COX7B2: variants seen among roughly 807,000 people sequenced by gnomAD.
COX7B2 encodes the protein cytochrome c oxidase subunit 7B2.
For synonymous variants in COX7B2, 37 were observed against 32.1 expected, an observed-to-expected ratio of 1.15 and a Z score of -0.51; for missense variants, 109 against 95.9, an observed-to-expected ratio of 1.14 and a Z score of -0.57.
At chr4:46,780,492 G>C (rs970961319) in intron 2 of COX7B2, among the ~76,000 whole-genome samples, 4 of 152,166 alleles carry the variant, frequency 2.6e-5, no homozygotes, top group Admixed American at 6.5e-5. Context: ...ACTCCAGCCT[G>C]GGTGACAGAG....
At chr4:46,883,974 C>G (rs1386465685) in intron 1 of COX7B2, among the ~76,000 whole-genome samples, 1 of 151,990 alleles carries the variant, frequency 6.6e-6, no homozygotes. Context: ...CAGTGTTATG[C>G]AGTAAAAATC....
At chr4:46,802,961 G>A (rs1231100616) in intron 2 of COX7B2, among the ~76,000 whole-genome samples, 1 of 152,048 alleles carries the variant, frequency 6.6e-6, no homozygotes. Context: ...GAAGTCCTAC[G>A]TTCCACTCCC....
At chr4:46,806,231 GT>G (rs2109645333) in intron 2 of COX7B2, among the ~76,000 whole-genome samples, 1 of 151,450 alleles carries the variant, frequency 6.6e-6, no homozygotes, top group East Asian at 1.9e-4. Context: ...ATGTATTTTT[GT>G]ATCTTATTTT....
intron 2 of COX7B2, among the ~76,000 whole-genome samples, chr4:46,804,771 G>C (rs1396534133): frequency 6.6e-6 from 1 of 152,252 alleles, no homozygotes; most frequent in Non-Finnish European, 1.5e-5. Context: ...GCTTCACCCA[G>C]TGTATCCCCT....
chr4:46,813,978 A>T (rs185707760), intron 2 of COX7B2, among the ~76,000 whole-genome samples: 52 of 152,308 alleles, frequency 3.4e-4, no homozygotes, highest in African/African-American at 1.1e-3. Context: ...CAAAACTGTA[A>T]TGAGATATTA....
At chr4:46,820,913 C>A (rs924677911) in intron 2 of COX7B2, among the ~76,000 whole-genome samples, 3 of 151,376 alleles carry the variant, frequency 2.0e-5, no homozygotes, top group African/African-American at 7.3e-5. Flanking sequence ...TCCAATCTCA[C>A]GTAAGAGTTG....
intron 2 of COX7B2, among the ~76,000 whole-genome samples, chr4:46,753,854 A>G (rs1290407578): frequency 6.6e-6 from 1 of 152,220 alleles, no homozygotes; most frequent in East Asian, 1.9e-4. Context: ...AATGAACTCA[A>G]CAAATTTACA....
At chr4:46,838,412 G>A (rs1000649106) in intron 2 of COX7B2, among the ~76,000 whole-genome samples, 1 of 151,902 alleles carries the variant, frequency 6.6e-6, no homozygotes, top group Non-Finnish European at 1.5e-5. Context: ...TGACATAATT[G>A]GCATTCTGTA....
chr4:46,812,371 A>G lies in COX7B2; in HGVS notation c.-50+32589T>C, dbSNP rs112244362. 5.1e-4 allele frequency among the ~76,000 whole-genome samples: 7 copies of G among 13,788 alleles called. No individual in the cohort carries two copies. The East Asian group carries it at 0.037, about 73-fold the overall frequency. 9.0% of individuals were successfully genotyped at this position (13,788 alleles called of 152,430 possible). A position where few individuals can be genotyped will look rare whatever the true frequency, so the allele number is the denominator to read the frequency against. On this transcript the variant is annotated intron_variant, in intron 2 of 2. Coordinates refer to ENST00000355591, the MANE Select transcript of COX7B2 (RefSeq NM_130902.3). ...ACCAGCATGGATCTGAATAAAAATT[A>G]AAAAAAAAAAAGAAGTCCTACAGAG...
At chr4:46,746,864 A>G (rs1354152159) in intron 2 of COX7B2, among the ~76,000 whole-genome samples, 1 of 152,230 alleles carries the variant, frequency 6.6e-6, no homozygotes, top group Non-Finnish European at 1.5e-5. Flanking sequence ...CTGAGCTCCT[A>G]TTATGTGACT....
At chr4:46,830,420 C>T (rs1714997927) in intron 2 of COX7B2, among the ~76,000 whole-genome samples, 1 of 150,830 alleles carries the variant, frequency 6.6e-6, no homozygotes, top group South Asian at 2.1e-4. Context: ...AAGTATTATA[C>T]TCCATTGAGG....
chr4:46,827,395 C>A (rs1030099323), intron 2 of COX7B2, among the ~76,000 whole-genome samples: 2 of 151,992 alleles, frequency 1.3e-5, no homozygotes, highest in Admixed American at 1.3e-4. Context: ...TGGTAACAAT[C>A]ATGCAACCAA....
At chr4:46,865,576 C>T (rs940895594) in intron 1 of COX7B2, among the ~76,000 whole-genome samples, 10 of 152,026 alleles carry the variant, frequency 6.6e-5, no homozygotes, top group South Asian at 2.1e-4. Flanking sequence ...CTTTCTCTAC[C>T]GCTTTGAACA....
chr4:46,833,858 ATGT>A (rs1477467068), intron 2 of COX7B2, among the ~76,000 whole-genome samples: 3 of 152,238 alleles, frequency 2.0e-5, no homozygotes, highest in Non-Finnish European at 2.9e-5. Flanking sequence ...GTTGACAGAA[ATGT>A]TGTTGGGTTG....
intron 2 of COX7B2, among the ~76,000 whole-genome samples, chr4:46,740,796 A>G (rs1714660795): frequency 6.6e-6 from 1 of 152,140 alleles, no homozygotes. Flanking sequence ...CAATTTAGTA[A>G]GTAAGTTACT....
intron 1 of COX7B2, among the ~76,000 whole-genome samples, chr4:46,872,039 C>T (rs1203603100): frequency 6.6e-6 from 1 of 152,136 alleles, no homozygotes; most frequent in Non-Finnish European, 1.5e-5. Flanking sequence ...CATTACAGCA[C>T]TATTCACAAT....
intron 1 of COX7B2, among the ~76,000 whole-genome samples, chr4:46,851,516 C>A (rs990183070): frequency 1.3e-5 from 2 of 152,016 alleles, no homozygotes; most frequent in African/African-American, 4.8e-5. Flanking sequence ...AACAAAAGTA[C>A]AGGAAATTAA....
At chr4:46,824,538 A>C (rs965276211) in intron 2 of COX7B2, among the ~76,000 whole-genome samples, 1 of 152,108 alleles carries the variant, frequency 6.6e-6, no homozygotes, top group African/African-American at 2.4e-5. Context: ...AAAACAGACA[A>C]ACAAACAAAC....
At chr4:46,813,938 A>C (rs1179259983) in intron 2 of COX7B2, among the ~76,000 whole-genome samples, 4 of 152,210 alleles carry the variant, frequency 2.6e-5, no homozygotes, top group African/African-American at 9.6e-5. Context: ...AAAAAAGTTC[A>C]ATATCGCTAA....
Sources: allele counts gnomAD v4.1 joint callset (sites outside exome capture counted in the v4.1 genomes callset), GRCh38; gene constraint gnomAD v4.1.1; transcripts MANE v1.5; gene names NCBI Gene and HGNC (gene_info 2026-07-23, HGNC 2026-07-21).